Variants in CNTN4 observed in about 807,000 individuals in gnomAD.
The protein encoded by CNTN4 is contactin 4, also known as contactin-4.
CNTN4 carries 77 observed loss-of-function variants against 122.5 expected under a neutral mutation model. The ratio of observed to expected loss-of-function variants is 0.63; its 90% confidence interval spans 0.52 to 0.76. The LOEUF is 0.76. Ranked by LOEUF, CNTN4 falls within the 30% of genes least tolerant of loss-of-function variation. The pLI is 0.00. For missense variants in CNTN4, 1,256 were observed against 1,259.1 expected (o/e 1.00, Z 0.04); for synonymous variants, 512 against 447.0 (o/e 1.15, Z -1.83).
chr3:2,992,085 C>T (rs1203548813), intron 14 of CNTN4, among the ~76,000 whole-genome samples: 1 of 152,178 alleles, frequency 6.6e-6, no homozygotes, highest in East Asian at 1.9e-4. Context: ...TAGTGTCAAA[C>T]ACAGGGTCAG....
At chr3:2,467,717 A>G (rs964043727) in intron 3 of CNTN4, among the ~76,000 whole-genome samples, 2 of 152,192 alleles carry the variant, frequency 1.3e-5, no homozygotes, top group Non-Finnish European at 2.9e-5. Context: ...AATCTCTTAG[A>G]TATAGGTGTA....
At chr3:2,947,129 G>A (rs922385747) in intron 13 of CNTN4, among the ~76,000 whole-genome samples, 1 of 152,182 alleles carries the variant, frequency 6.6e-6, no homozygotes, top group Non-Finnish European at 1.5e-5. Context: ...GGTGTCAGTT[G>A]CTGCTTATCA....
intron 4 of CNTN4, among the ~76,000 whole-genome samples, chr3:2,600,006 T>C (rs995731686): frequency 2.3e-5 from 2 of 88,090 alleles, no homozygotes; most frequent in African/African-American, 6.4e-5. Context: ...TATGGAATTC[T>C]TCTTTTTTTT....
intron 2 of CNTN4, among the ~76,000 whole-genome samples, chr3:2,293,912 A>C (rs2042216892): frequency 6.6e-6 from 1 of 152,160 alleles, no homozygotes. Context: ...CCACTAATTT[A>C]GTGTACAATT....
chr3:2,867,756 T>C (rs550950423), intron 8 of CNTN4, among the ~76,000 whole-genome samples: 115 of 152,000 alleles, frequency 7.6e-4, no homozygotes, highest in South Asian at 1.3e-3. Context: ...CTGCGTCAGG[T>C]ACCTACTGTA....
rs1018696398 is a variant in CNTN4, at chr3:2,136,330, T to A, written c.-145+35691T>A. ...TCTGTTAGTAAACTATTAAATTTCT[T>A]TTTTGGTTATACTAGTTTGTGTTGT... On this transcript the variant is annotated intron_variant, in intron 2 of 24. Coordinates refer to ENST00000418658, the MANE Select transcript of CNTN4 (RefSeq NM_175607.3). Among the ~76,000 whole-genome samples, 3 of 152,204 alleles carry A rather than the reference T, an allele frequency of 2.0e-5. No homozygotes were observed. The South Asian group carries it at 6.2e-4, about 32-fold the overall frequency.
chr3:2,578,917 A>G (rs2079814697), intron 4 of CNTN4, among the ~76,000 whole-genome samples: 2 of 152,214 alleles, frequency 1.3e-5, no homozygotes, highest in Admixed American at 1.3e-4. Context: ...GAAAATAATA[A>G]ATAGCAAATG....
intron 2 of CNTN4, among the ~76,000 whole-genome samples, chr3:2,184,951 T>A (rs2037180224): frequency 6.6e-6 from 1 of 152,198 alleles, no homozygotes; most frequent in Admixed American, 6.5e-5. Flanking sequence ...AGGATGTGGC[T>A]TTTGTTACTT....
intron 5 of CNTN4, among the ~76,000 whole-genome samples, chr3:2,737,095 T>G (rs578132541): frequency 7.9e-5 from 12 of 152,106 alleles, no homozygotes; most frequent in African/African-American, 2.9e-4. Context: ...TATTTTTATT[T>G]TTCGAGACAG....
intron 6 of CNTN4, among the ~76,000 whole-genome samples, chr3:2,766,207 T>C (rs919944706): frequency 6.6e-6 from 1 of 152,224 alleles, no homozygotes; most frequent in Non-Finnish European, 1.5e-5. Flanking sequence ...GCCCTGTGGA[T>C]TTCCTTCACC....
At chr3:2,273,535 T>G (rs988361516) in intron 2 of CNTN4, among the ~76,000 whole-genome samples, 1 of 152,202 alleles carries the variant, frequency 6.6e-6, no homozygotes, top group Non-Finnish European at 1.5e-5. Context: ...CCAGTTGAAT[T>G]AGTCTTTGGG....
intron 13 of CNTN4, among the ~76,000 whole-genome samples, chr3:2,948,750 A>G (rs1263169715): frequency 1.3e-5 from 2 of 152,152 alleles, no homozygotes; most frequent in Non-Finnish European, 2.9e-5. Flanking sequence ...GGGTTGTGAG[A>G]TACTACATAC....
intron 23 of CNTN4, among the ~76,000 whole-genome samples, chr3:3,050,626 G>A (rs927673878): frequency 3.3e-5 from 5 of 152,058 alleles, no homozygotes; most frequent in African/African-American, 9.7e-5. Flanking sequence ...AGCAGGGCAT[G>A]GTGGCGCATG....
chr3:3,038,440 C>G lies in CNTN4; in HGVS notation c.2093-493C>G, dbSNP rs530786728. Among the ~76,000 whole-genome samples the G allele has an allele frequency of 2.6e-5, 4 of 152,296 alleles. No individual in the cohort carries two copies. In the South Asian group the frequency reaches 8.3e-4, roughly 32 times the overall value. On this transcript the variant is annotated intron_variant, in intron 18 of 24. Coordinates refer to ENST00000418658, the MANE Select transcript of CNTN4 (RefSeq NM_175607.3). ...CCCCAGCTCTGAGCAGGGCGCTACT[C>G]CGGAACGCCCCCCGCTTCTCCATGC...
At chr3:2,619,383 G>T (rs532698626) in intron 4 of CNTN4, among the ~76,000 whole-genome samples, 15 of 152,314 alleles carry the variant, frequency 9.8e-5, no homozygotes, top group Admixed American at 3.9e-4. Flanking sequence ...AAGCAACCTA[G>T]AAATTGCATT....
chr3:2,468,861 A>C (rs2075593535), intron 3 of CNTN4, among the ~76,000 whole-genome samples: 1 of 152,198 alleles, frequency 6.6e-6, no homozygotes, highest in East Asian at 1.9e-4. Context: ...GGCTTCTCTT[A>C]TTCCTGACAC....
chr3:2,197,050 G>GAA (rs756328918), intron 2 of CNTN4, among the ~76,000 whole-genome samples: 72 of 87,098 alleles, frequency 8.3e-4, no homozygotes, highest in African/African-American at 1.2e-3. Flanking sequence ...GGTCTCACCA[G>GAA]AAAAAAAAAA....
Position 2,481,518 on chromosome 3 carries a change from C to T in CNTN4, c.-88-89898C>T, listed in dbSNP as rs950618303. ...GACAAAAACAAATCAAAAAAAGAAT[C>T]TAGTCACTGACTTAAACCCCGCGCA... is the stretch of plus-strand genomic sequence containing the variant. On this transcript the variant is annotated intron_variant, in intron 3 of 24. Coordinates refer to ENST00000418658, the MANE Select transcript of CNTN4 (RefSeq NM_175607.3). 2.6e-5 allele frequency among the ~76,000 whole-genome samples: 4 copies of T among 152,218 alleles called. No individual in the cohort carries two copies. The East Asian group carries it at 7.7e-4, about 29-fold the overall frequency.
At chr3:2,655,389 T>C (rs914684609) in intron 4 of CNTN4, among the ~76,000 whole-genome samples, 1 of 152,204 alleles carries the variant, frequency 6.6e-6, no homozygotes, top group Admixed American at 6.5e-5. Context: ...TCCTTGGTTC[T>C]GTATGCCCTT....
Sources: allele counts gnomAD v4.1 joint callset (sites outside exome capture counted in the v4.1 genomes callset), GRCh38; gene constraint gnomAD v4.1.1; transcripts MANE v1.5; gene names NCBI Gene and HGNC (gene_info 2026-07-23, HGNC 2026-07-21).